The following PAICS variants were observed in gnomAD, a reference collection of about 807,000 sequenced individuals.
The protein encoded by PAICS is phosphoribosylaminoimidazole carboxylase and phosphoribosylaminoimidazolesuccinocarboxamide synthase, also known as bifunctional phosphoribosylaminoimidazole carboxylase/phosphoribosylaminoimidazole succinocarboxamide synthetase.
In PAICS, 33 loss-of-function variants were observed where a neutral mutation model predicts 53.7. That is an observed-to-expected ratio of 0.61 (90% CI 0.47 to 0.82). The LOEUF is 0.82. Among genes scored for constraint, PAICS ranks in the 40% least tolerant of loss-of-function variants. The pLI is 0.00. For synonymous variants in PAICS, 141 were observed against 167.2 expected (o/e 0.84, Z 1.21); for missense variants, 394 against 494.1 (o/e 0.80, Z 1.92).
chr4:56,418,802 C>T, the PAICS span, among the ~76,000 whole-genome samples: 3 of 152,138 alleles, frequency 2.0e-5, no homozygotes, highest in Admixed American at 2.0e-4. Flanking sequence ...AAGTCAAGTA[C>T]TGTCAGTAAT....
At chr4:56,435,182 C>T (rs777476669), upstream of PAICS, among the ~76,000 whole-genome samples, 2 of 152,216 alleles carry the variant, frequency 1.3e-5, no homozygotes, top group Admixed American at 1.3e-4. Flanking sequence ...AAGCGAGGTG[C>T]CCCTCGTGCA....
the PAICS span, chr4:56,428,895 C>T: frequency 1.9e-6 from 1 of 533,206 alleles, no homozygotes; most frequent in Admixed American, 6.4e-5. Context: ...TAATGTGTTT[C>T]AAATGATGTC....
At chr4:56,410,672 T>C in the PAICS span, 29 of 986,342 alleles carry the variant, frequency 2.9e-5, no homozygotes, top group Non-Finnish European at 3.4e-5. Context: ...ATTAGGAGTA[T>C]ACAGAGACTG....
chr4:56,418,330 CTTATT>C, the PAICS span, among the ~76,000 whole-genome samples: 1 of 151,808 alleles, frequency 6.6e-6, no homozygotes, highest in African/African-American at 2.4e-5. Context: ...TTTATTTTAT[CTTATT>C]TTGAGACAGG....
At position 56,453,597 on chromosome 4, in the gene PAICS, C is replaced by T; in HGVS notation, c.953-6C>T. The T allele has an allele frequency of 1.9e-6, 3 of 1,577,452 alleles. No homozygotes were observed. The highest frequency in any genetic ancestry group is 2.6e-6 in the Non-Finnish European group (3 of 1,157,572). The stretch of plus-strand genomic sequence containing the variant: ...TAGCATAATTATACTCTTGTCATTT[C>T]CCTAGGGGATGGCATTCCTACTGTA... On this transcript the variant is annotated splice_polypyrimidine_tract_variant and splice_region_variant and intron_variant, in intron 7 of 8. Transcript: ENST00000512576.
chr4:56,438,297 A>G (rs766910125), intron 1 of PAICS, among the ~76,000 whole-genome samples: 5 of 150,230 alleles, frequency 3.3e-5, no homozygotes, highest in Non-Finnish European at 5.9e-5. Flanking sequence ...GGCTAATGGA[A>G]ATATAATGTA....
rs1379131129 is a variant in PAICS, at chr4:56,448,463, G to A, written c.439G>A (p.Ala147Thr). 1.2e-6 allele frequency: 2 copies of A among 1,611,786 alleles called. No homozygotes were observed. Among genetic ancestry groups the A allele is most frequent in the East Asian group, 2.2e-5 (1 of 44,806 alleles). Residue 147 changes from alanine to threonine, a missense_variant, in exon 4 of 9, where the codon GCT (alanine) becomes ACT (threonine). This residue lies in a region of PAICS where 168 missense variants were observed against 199.3 expected (regional missense o/e 0.84). Transcript: ENST00000512576. ...ACAGTGGTCTGAGGAACAGCTGATT[G>A]CTGCAAAATTTTGCTTTGCTGGACT... ...DPQWSEEQLI[A>T]AKFCFAGLLI...
At chr4:56,418,105 G>A in the PAICS span, among the ~76,000 whole-genome samples, 35 of 151,944 alleles carry the variant, frequency 2.3e-4, no homozygotes, top group Non-Finnish European at 4.3e-4. Context: ...CCAAAGTGCT[G>A]GGATTACAGG....
intron 8 of PAICS, among the ~76,000 whole-genome samples, chr4:56,457,249 CCATAAATACA>C (rs1719259112): frequency 6.6e-6 from 1 of 152,014 alleles, no homozygotes; most frequent in African/African-American, 2.4e-5. Flanking sequence ...CCCATCTCTA[CCATAAATACA>C]AAAATTAGCT....
At chr4:56,456,856 T>G (rs889315958) in intron 8 of PAICS, among the ~76,000 whole-genome samples, 1 of 152,130 alleles carries the variant, frequency 6.6e-6, no homozygotes, top group Admixed American at 6.5e-5. Flanking sequence ...CTGTTGCATA[T>G]AGTTACTTTC....
the PAICS span, among the ~76,000 whole-genome samples, chr4:56,417,007 G>A: frequency 3.9e-5 from 6 of 151,980 alleles, no homozygotes; most frequent in African/African-American, 1.5e-4. Context: ...GCACCATCAC[G>A]CCCAGCTAAT....
chr4:56,414,113 A>G, the PAICS span: 2 of 152,192 alleles, frequency 1.3e-5, no homozygotes, highest in Non-Finnish European at 2.9e-5. Flanking sequence ...TTTGATCTGC[A>G]GAATCCAAAA....
At chr4:56,428,515 AAAAAATGGCAACCCTCCAAG>A in the PAICS span, among the ~76,000 whole-genome samples, 65 of 152,314 alleles carry the variant, frequency 4.3e-4, no homozygotes, top group African/African-American at 1.5e-3. Flanking sequence ...TTTTACAAAG[AAAAAATGGCAACCCTCCAAG>A]AAAAATGAGA....
chr4:56,457,668 T>G (rs948492328), intron 8 of PAICS, among the ~76,000 whole-genome samples: 4 of 150,638 alleles, frequency 2.7e-5, no homozygotes, highest in Non-Finnish European at 5.9e-5. Flanking sequence ...TTAAGTTTTT[T>G]TTTTTTTTTT....
the PAICS span, among the ~76,000 whole-genome samples, chr4:56,423,911 G>A: frequency 2.0e-5 from 3 of 152,182 alleles, no homozygotes; most frequent in Non-Finnish European, 2.9e-5. Context: ...TTGCCACTCC[G>A]CTCTTAGGAA....
chr4:56,442,641 A>G (rs892794996), intron 2 of PAICS, among the ~76,000 whole-genome samples: 3 of 152,180 alleles, frequency 2.0e-5, no homozygotes, highest in African/African-American at 7.2e-5. Flanking sequence ...AACCTTACCT[A>G]TGAAATAAAA....
At chr4:56,450,523 A>G (rs944373280) in intron 5 of PAICS, 96 bp from the exon 6 acceptor site, 1 of 681,430 alleles carries the variant, frequency 1.5e-6, no homozygotes, top group African/African-American at 1.8e-5. Context: ...CCCTTGCTAT[A>G]CAAACTCTTC....
rs1359613512 is a variant in PAICS at position 56,460,886 on chromosome 4, G to C, written c.*1348G>C. On this transcript the variant is annotated 3_prime_UTR_variant, in exon 9 of 9. Coordinates refer to ENST00000512576, the MANE Select transcript of PAICS (RefSeq NM_001079524.2). The stretch of plus-strand genomic sequence containing the variant: ...CTCGGGAGGCTGAGGCATGAGAATT[G>C]CTTGAACCCGGGAGGCGGAGGTTGC... 1 of 152,380 alleles carries C rather than the reference G, an allele frequency of 6.6e-6. No individual in the cohort carries two copies. Among genetic ancestry groups the C allele is most frequent in the Non-Finnish European group, 1.5e-5 (1 of 68,256 alleles). The allele number at this position is 152,380 out of a possible 1,614,324, so 9.4% of individuals were successfully genotyped here.
chr4:56,442,119 C>T, intron 2 of PAICS: 1 of 352,410 alleles, frequency 2.8e-6, no homozygotes, highest in South Asian at 6.4e-5. Context: ...GTGCAGCTTA[C>T]CTCTCCAAGG....
Sources: allele counts gnomAD v4.1 joint callset (sites outside exome capture counted in the v4.1 genomes callset), GRCh38; gene constraint gnomAD v4.1.1; regional missense constraint gnomAD v4.1.1; transcripts MANE v1.5; gene names NCBI Gene and HGNC (gene_info 2026-07-23, HGNC 2026-07-21).